The following MAP3K13 variants were observed in gnomAD, a reference collection of about 807,000 sequenced individuals.
The protein encoded by MAP3K13 is mitogen-activated protein kinase kinase kinase 13, also known as leucine zipper-bearing kinase.
A neutral mutation model predicts 104.0 loss-of-function variants in MAP3K13; 52 were observed. That is an observed-to-expected ratio of 0.50 (90% confidence interval 0.40 to 0.63). The LOEUF (loss-of-function observed/expected upper bound fraction) is 0.63, where lower values mean the gene tolerates loss of function less well. MAP3K13 is among the 20% of genes least tolerant of loss of function. The pLI is 0.00. For missense variants in MAP3K13, 914 were observed against 1,218.5 expected (o/e 0.75, Z 3.72); for synonymous variants, 394 against 442.2 (o/e 0.89, Z 1.37).
chr3:185,361,262 A>G (rs1553793793), upstream of MAP3K13, among the ~76,000 whole-genome samples: 2 of 151,396 alleles, frequency 1.3e-5, no homozygotes, highest in Non-Finnish European at 2.9e-5. Context: ...GCCTCTTTCC[A>G]TTAGTTAGTC....
intron 1 of MAP3K13, among the ~76,000 whole-genome samples, chr3:185,373,101 G>C (rs1351415414): frequency 6.6e-6 from 1 of 152,168 alleles, no homozygotes; most frequent in Admixed American, 6.5e-5. Flanking sequence ...ATAGTCTTGA[G>C]AGTTCCATGT....
At chr3:185,328,036 T>G (rs916930185) in intron 2 of MAP3K13, among the ~76,000 whole-genome samples, 1 of 151,524 alleles carries the variant, frequency 6.6e-6, no homozygotes, top group African/African-American at 2.4e-5. Flanking sequence ...TAAAGAAATA[T>G]GGTAGCTCAG....
chr3:185,433,330 C>T (rs921368252), intron 2 of MAP3K13, among the ~76,000 whole-genome samples: 7 of 152,096 alleles, frequency 4.6e-5, no homozygotes, highest in South Asian at 2.1e-4. Context: ...TGAAGATAAA[C>T]GCTGGGGAAG....
At chr3:185,301,155 C>T (rs149728191) in intron 2 of MAP3K13, among the ~76,000 whole-genome samples, 118 of 151,866 alleles carry the variant, frequency 7.8e-4, no homozygotes, top group African/African-American at 2.7e-3. Context: ...AATTTTTTAA[C>T]AGTGGTCATC....
At chr3:185,349,287 T>G (rs1235077686) in intron 2 of MAP3K13, among the ~76,000 whole-genome samples, 1 of 152,154 alleles carries the variant, frequency 6.6e-6, no homozygotes, top group Non-Finnish European at 1.5e-5. Context: ...CTCCCTCCCT[T>G]CCTCAATGTC....
At position 185,460,849 on chromosome 3, in the gene MAP3K13, CAGG is replaced by C. The variant is rs541261714; in HGVS notation, c.1279-2698_1279-2696del. Among the ~76,000 whole-genome samples the C allele has an allele frequency of 1.7e-3, 254 of 152,260 alleles. 1 individual carries two copies. The highest frequency in any genetic ancestry group is 4.9e-3 in the African/African-American group (204 of 41,542). ...TTTCCCGTAATTATAAGCTAGATGTCAGGAGATTTATTTCCTCTAGAATTAAAA... is the reference window on the plus strand; with the variant it reads ...TTTCCCGTAATTATAAGCTAGATGTCAGATTTATTTCCTCTAGAATTAAAA... On this transcript the variant is annotated intron_variant, in intron 7 of 13. Transcript: ENST00000265026.
upstream of MAP3K13, among the ~76,000 whole-genome samples, chr3:185,362,759 C>T (rs781135312): frequency 1.3e-5 from 2 of 152,046 alleles, no homozygotes; most frequent in Non-Finnish European, 2.9e-5. Flanking sequence ...GTTTTGATCG[C>T]ATCAGGCATA....
At chr3:185,449,126 C>T (rs373044523) in intron 5 of MAP3K13, among the ~76,000 whole-genome samples, 1 of 152,036 alleles carries the variant, frequency 6.6e-6, no homozygotes, top group African/African-American at 2.4e-5. Context: ...AATTCCAGCA[C>T]TTTGGGAGGC....
chr3:185,297,312 T>C (rs1208416930), intron 2 of MAP3K13, among the ~76,000 whole-genome samples: 1 of 152,204 alleles, frequency 6.6e-6, no homozygotes, highest in Non-Finnish European at 1.5e-5. Flanking sequence ...ATTGGATATT[T>C]TTGAAAGCTG....
chr3:185,410,711 G>A (rs866126798), intron 1 of MAP3K13, among the ~76,000 whole-genome samples: 14 of 152,046 alleles, frequency 9.2e-5, no homozygotes, highest in Non-Finnish European at 1.8e-4. Context: ...GAGGTGGGTG[G>A]ATCACCTGAG....
rs900413015 is a variant in MAP3K13 at position 185,443,591 on chromosome 3, A to T, written c.806A>T (p.Tyr269Phe). The T allele has an allele frequency of 6.2e-7, 1 of 1,614,146 alleles. No homozygotes were observed. The highest frequency in any genetic ancestry group is 1.3e-5 in the African/African-American group (1 of 75,054). ...WSTGIASGMNYLHLHKIIHRD... is the reference protein window; with the variant it reads ...WSTGIASGMNFLHLHKIIHRD... ...ACAGGAATTGCAAGTGGAATGAATT[A>T]TTTGCACCTCCATAAAATTATTCAT... is the stretch of plus-strand genomic sequence containing the variant. The change falls in exon 4 of 14, where the codon TAT becomes TTT. Residue 269 changes from tyrosine to phenylalanine, a missense_variant. Coordinates refer to ENST00000265026, the MANE Select transcript of MAP3K13 (RefSeq NM_004721.5).
In MAP3K13 at chr3:185,487,328, C is replaced by G. The variant is rs1718765022; in HGVS notation, c.*4872C>G. The G allele has an allele frequency of 6.6e-6, 1 of 150,414 alleles. No individual in the cohort carries two copies. Among genetic ancestry groups the G allele is most frequent in the Non-Finnish European group, 1.5e-5 (1 of 68,078 alleles). 9.3% of individuals were successfully genotyped at this position (150,414 alleles called of 1,614,324 possible). On this transcript the variant is annotated 3_prime_UTR_variant, in exon 14 of 14. Transcript: ENST00000265026. ...CACAGGTGTGTGCCACCATGCACAACAATTTTTTTTTTTTTTTTGTAGAGA... is the reference window on the plus strand; with the variant it reads ...CACAGGTGTGTGCCACCATGCACAAGAATTTTTTTTTTTTTTTTGTAGAGA...
intron 2 of MAP3K13, among the ~76,000 whole-genome samples, chr3:185,294,844 C>T (rs1055444670): frequency 6.6e-6 from 1 of 152,194 alleles, no homozygotes; most frequent in Admixed American, 6.5e-5. Flanking sequence ...CCTCATGAAA[C>T]TAATCCATTG....
intron 10 of MAP3K13, among the ~76,000 whole-genome samples, chr3:185,467,212 C>A (rs959389943): frequency 2.6e-5 from 4 of 152,202 alleles, no homozygotes; most frequent in African/African-American, 9.7e-5. Context: ...GGGGGCCAGA[C>A]AGACCTGGAT....
At position 185,411,612 on chromosome 3, in the gene MAP3K13, AT is replaced by A. The variant is rs1257891998; in HGVS notation, c.-85-16881del. Among the ~76,000 whole-genome samples, 7 of 152,306 alleles carry A rather than the reference AT, an allele frequency of 4.6e-5. No individual in the cohort carries two copies. The East Asian group carries it at 7.7e-4, about 17-fold the overall frequency. On this transcript the variant is annotated intron_variant, in intron 1 of 13. Coordinates refer to ENST00000265026, the MANE Select transcript of MAP3K13 (RefSeq NM_004721.5). ...CATTAGCATTTCAGAAGGATTCTTC[AT>A]TTTGCAAGTAGATTTATCAGTGATA...
At position 185,468,868 on chromosome 3, in the gene MAP3K13, G is replaced by A. The variant is rs75007906; in HGVS notation, c.1643+1905G>A. Among the ~76,000 whole-genome samples the A allele has an allele frequency of 4.4e-3, 673 of 152,330 alleles. 4 individuals are homozygous for A. The highest frequency in any genetic ancestry group is 0.015 in the African/African-American group (610 of 41,584). The stretch of plus-strand genomic sequence containing the variant: ...TAATTAGGGACAGAGTCTGCCCGAT[G>A]GCTGCTCCCTGCCTTCTGCCTACAG... On this transcript the variant is annotated intron_variant, in intron 10 of 13. Coordinates refer to ENST00000265026, the MANE Select transcript of MAP3K13 (RefSeq NM_004721.5).
rs892820219 is a variant in MAP3K13, at chr3:185,484,511, G to A, written c.*2055G>A. 2.6e-5 allele frequency: 4 copies of A among 152,150 alleles called. No homozygotes were observed. The highest frequency in any genetic ancestry group is 7.2e-5 in the African/African-American group (3 of 41,416). The allele number at this position is 152,150 out of a possible 1,614,324, so 9.4% of individuals were successfully genotyped here. ...TTCCAATGCACATGAAAATGTTGCC[G>A]CTCCTCTGGGTTTTACTGATTGCAT... On this transcript the variant is annotated 3_prime_UTR_variant, in exon 14 of 14. Transcript: ENST00000265026.
At chr3:185,453,839 GATACATATATATGAGATATATATATA>G (rs1405582445) in intron 7 of MAP3K13, among the ~76,000 whole-genome samples, 1,667 of 16,010 alleles carry the variant, frequency 0.1, 241 homozygotes, top group East Asian at 0.18. Flanking sequence ...ATATATATAT[GATACATATATATGAGATATATATATA>G]TGATACATAT....
At chr3:185,397,791 T>C (rs1042472211) in intron 1 of MAP3K13, among the ~76,000 whole-genome samples, 3 of 152,144 alleles carry the variant, frequency 2.0e-5, no homozygotes, top group African/African-American at 7.2e-5. Flanking sequence ...ATGAGGGTTG[T>C]GGGGTGGACC....
Sources: allele counts gnomAD v4.1 joint callset (sites outside exome capture counted in the v4.1 genomes callset), GRCh38; gene constraint gnomAD v4.1.1; transcripts MANE v1.5; gene names NCBI Gene and HGNC (gene_info 2026-07-23, HGNC 2026-07-21).